The following SLC31A2 variants were observed in gnomAD, a reference collection of about 807,000 sequenced individuals.
The protein encoded by SLC31A2 is solute carrier family 31 member 2.
Under a neutral mutation model 14.4 loss-of-function variants are expected in SLC31A2, and 16 were observed. That is an observed-to-expected ratio of 1.11 (90% CI 0.75 to 1.69). The LOEUF is 1.69. Among genes scored for constraint, SLC31A2 ranks in the 40% most tolerant of loss-of-function variants. SLC31A2 has a pLI of 0.00. For missense variants in SLC31A2, 140 were observed against 173.9 expected (o/e 0.81, Z 1.10); for synonymous variants, 56 against 68.7 (o/e 0.82, Z 0.91).
intron 1 of SLC31A2, among the ~76,000 whole-genome samples, chr9:113,152,776 A>T (rs1829884813): frequency 6.6e-6 from 1 of 152,258 alleles, no homozygotes; most frequent in African/African-American, 2.4e-5. Context: ...AATTACTCTT[A>T]CTGTTCTGTG....
intron 2 of SLC31A2, among the ~76,000 whole-genome samples, chr9:113,158,700 G>A (rs1391253901): frequency 1.3e-5 from 2 of 152,198 alleles, no homozygotes; most frequent in South Asian, 2.1e-4. Context: ...TTCCAAGATC[G>A]AGTGTCGCAA....
chr9:113,158,383 C>A (rs1297180645), intron 2 of SLC31A2, among the ~76,000 whole-genome samples: 1 of 152,180 alleles, frequency 6.6e-6, no homozygotes, highest in Admixed American at 6.5e-5. Flanking sequence ...TTATGGTCAG[C>A]CCTACAATGG....
chr9:113,155,617 C>T (rs1042044170), intron 1 of SLC31A2, among the ~76,000 whole-genome samples: 3 of 152,202 alleles, frequency 2.0e-5, no homozygotes, highest in Admixed American at 6.5e-5. Flanking sequence ...TGGGTACAGG[C>T]TTCTGGCAGT....
At chr9:113,160,414 T>C (rs7849150) in intron 2 of SLC31A2, among the ~76,000 whole-genome samples, 49,413 of 152,062 alleles carry the variant, frequency 0.32, 8,139 homozygotes, top group East Asian at 0.35. Context: ...ACGTGATATT[T>C]TGATACCTAT....
chr9:113,160,372 C>T (rs1829993302), intron 2 of SLC31A2, among the ~76,000 whole-genome samples: 1 of 151,908 alleles, frequency 6.6e-6, no homozygotes, highest in Admixed American at 6.6e-5. Context: ...AAAAATTATT[C>T]ATATATAATA....
intron 1 of SLC31A2, among the ~76,000 whole-genome samples, chr9:113,153,451 A>G (rs978501101): frequency 7.0e-6 from 1 of 141,978 alleles, no homozygotes; most frequent in Admixed American, 6.8e-5. Context: ...TCCTAGAAAC[A>G]CCTGTCCCAG....
intron 3 of SLC31A2, chr9:113,161,963 C>T: frequency 1.8e-6 from 1 of 557,218 alleles, no homozygotes; most frequent in South Asian, 1.7e-5. Flanking sequence ...GTGCAGGCCC[C>T]TATCTAGCAA....
At chr9:113,162,702 A>G in intron 3 of SLC31A2, 47 bp from the exon 4 acceptor site, 4 of 1,561,796 alleles carry the variant, frequency 2.6e-6, no homozygotes, top group Non-Finnish European at 3.5e-6. Flanking sequence ...CAGCTTCCTC[A>G]TTACCAGCTC....
intron 2 of SLC31A2, among the ~76,000 whole-genome samples, chr9:113,160,541 T>C (rs925945706): frequency 6.6e-6 from 1 of 152,246 alleles, no homozygotes; most frequent in Non-Finnish European, 1.5e-5. Context: ...TATGGTTAAC[T>C]ATAAATTTCC....
At chr9:113,160,304 C>T (rs1189658446) in intron 2 of SLC31A2, among the ~76,000 whole-genome samples, 1 of 152,128 alleles carries the variant, frequency 6.6e-6, no homozygotes, top group Non-Finnish European at 1.5e-5. Context: ...TTGCCACCTT[C>T]CAGGTACCCC....
intron 1 of SLC31A2, among the ~76,000 whole-genome samples, chr9:113,153,416 A>G (rs1829895041): frequency 6.6e-6 from 1 of 152,074 alleles, no homozygotes; most frequent in Non-Finnish European, 1.5e-5. Flanking sequence ...TGATTTCTCA[A>G]AGTGTGACCC....
rs1413475520 is a variant in SLC31A2 at position 113,162,986 on chromosome 9, C to T, written c.*69C>T. The T allele has an allele frequency of 1.5e-6, 2 of 1,364,252 alleles. No homozygotes were observed. Among genetic ancestry groups the T allele is most frequent in the Non-Finnish European group, 2.0e-6 (2 of 1,021,216 alleles). 84.5% of individuals were successfully genotyped at this position (1,364,252 alleles called of 1,614,324 possible). A position where few individuals can be genotyped will look rare whatever the true frequency, so the allele number is the denominator to read the frequency against. On this transcript the variant is annotated 3_prime_UTR_variant, in exon 4 of 4. Coordinates refer to ENST00000259392, the MANE Select transcript of SLC31A2 (RefSeq NM_001860.3). ...CCCCCTCTTCCAGACACTATACTTC[C>T]AACTGCCCTTTCTTCTGATGGCTAT... is the stretch of plus-strand genomic sequence containing the variant.
Position 113,151,055 on chromosome 9 carries a change from G to C in SLC31A2, c.-20G>C. ...CCGAGCGAGCAGACGCGGCCCTGGC[G>C]CCCGCCCTGCGCACTCACCATGGCG... On this transcript the variant is annotated 5_prime_UTR_variant, in exon 1 of 4. Coordinates refer to ENST00000259392, the MANE Select transcript of SLC31A2 (RefSeq NM_001860.3). This position sits in a 1 kb window ranked among gnomAD's most constrained non-coding sequence, Gnocchi z 4.2. 7.7e-7 allele frequency: 1 copy of C among 1,306,442 alleles called. No homozygotes were observed. Among genetic ancestry groups the C allele is most frequent in the East Asian group, 2.9e-5 (1 of 34,480 alleles). 80.9% of individuals were successfully genotyped at this position (1,306,442 alleles called of 1,614,324 possible).
intron 2 of SLC31A2, 179 bp downstream of exon 2, chr9:113,157,972 A>G (rs1829955891): frequency 1.5e-6 from 1 of 686,278 alleles, no homozygotes. Context: ...TTCAGATCGC[A>G]AAGGGCTCCA....
intron 1 of SLC31A2, among the ~76,000 whole-genome samples, chr9:113,154,337 C>T (rs945370056): frequency 2.0e-5 from 3 of 152,136 alleles, no homozygotes; most frequent in East Asian, 1.9e-4. Context: ...GGGCTTTCTG[C>T]GTGTCAGCAG....
At chr9:113,160,201 A>G (rs1243995898) in intron 2 of SLC31A2, among the ~76,000 whole-genome samples, 1 of 145,794 alleles carries the variant, frequency 6.9e-6, no homozygotes, top group South Asian at 2.2e-4. Flanking sequence ...GACTCCATCT[A>G]AAAAAAAAAA....
intron 3 of SLC31A2, chr9:113,162,079 TTGG>T (rs1203723079): frequency 2.9e-6 from 1 of 347,970 alleles, no homozygotes; most frequent in African/African-American, 2.2e-5. Context: ...TGTATCCCAC[TTGG>T]TGGGAGGAGG....
intron 2 of SLC31A2, among the ~76,000 whole-genome samples, chr9:113,160,160 CCACTG>C (rs1159749402): frequency 2.0e-5 from 3 of 151,962 alleles, no homozygotes; most frequent in Non-Finnish European, 4.4e-5. Flanking sequence ...CAAGATTGCG[CCACTG>C]CACTCCAGCC....
chr9:113,159,394 A>G (rs560476178), intron 2 of SLC31A2, among the ~76,000 whole-genome samples: 7 of 152,176 alleles, frequency 4.6e-5, no homozygotes, highest in African/African-American at 1.7e-4. Context: ...CGACCTCCCA[A>G]AGTGCTGGGA....
Sources: allele counts gnomAD v4.1 joint callset (sites outside exome capture counted in the v4.1 genomes callset), GRCh38; gene constraint gnomAD v4.1.1; non-coding constraint Gnocchi (gnomAD v3.1); transcripts MANE v1.5; gene names NCBI Gene and HGNC (gene_info 2026-07-23, HGNC 2026-07-21).